Variants in PDZRN3 observed in about 807,000 individuals in gnomAD.
The protein encoded by PDZRN3 is PDZ domain containing ring finger 3, also known as E3 ubiquitin-protein ligase PDZRN3.
PDZRN3 carries 38 observed loss-of-function variants against 85.7 expected under a neutral mutation model. That is an observed-to-expected ratio of 0.44 (90% CI 0.34 to 0.58). The LOEUF (loss-of-function observed/expected upper bound fraction) is 0.58, where lower values mean the gene tolerates loss of function less well. Among genes scored for constraint, PDZRN3 ranks in the 20% least tolerant of loss-of-function variants. PDZRN3 has a pLI of 0.01. For missense variants in PDZRN3, 1,629 were observed against 1,506.4 expected (o/e 1.08, Z -1.35); for synonymous variants, 759 against 638.0 (o/e 1.19, Z -2.86).
intron 3 of PDZRN3, among the ~76,000 whole-genome samples, chr3:73,573,801 A>G (rs898597413): frequency 1.1e-5 from 1 of 91,340 alleles, no homozygotes; most frequent in Non-Finnish European, 2.5e-5. Context: ...ACATATACAT[A>G]CACATACACC....
At chr3:73,431,719 C>T (rs1014249954) in intron 3 of PDZRN3, among the ~76,000 whole-genome samples, 1 of 152,086 alleles carries the variant, frequency 6.6e-6, no homozygotes, top group Non-Finnish European at 1.5e-5. Flanking sequence ...AATTGCTGAC[C>T]AAGTATATTC....
chr3:73,578,335 A>G (rs1702153320), intron 3 of PDZRN3, among the ~76,000 whole-genome samples: 1 of 151,744 alleles, frequency 6.6e-6, no homozygotes, highest in South Asian at 2.1e-4. Flanking sequence ...TGCCTGGCTA[A>G]TTTTTTGTAT....
chr3:73,548,071 T>C (rs1701468556), intron 3 of PDZRN3, among the ~76,000 whole-genome samples: 1 of 152,098 alleles, frequency 6.6e-6, no homozygotes, highest in African/African-American at 2.4e-5. Context: ...CTGGGCTCTG[T>C]GAAAATGTTA....
intron 3 of PDZRN3, among the ~76,000 whole-genome samples, chr3:73,537,150 C>G (rs1369882871): frequency 1.3e-5 from 2 of 152,118 alleles, no homozygotes; most frequent in Admixed American, 1.3e-4. Flanking sequence ...AGAATGTGAG[C>G]AGATGCAATG....
intron 3 of PDZRN3, among the ~76,000 whole-genome samples, chr3:73,476,016 C>T (rs1316578359): frequency 2.6e-5 from 4 of 152,192 alleles, no homozygotes; most frequent in Non-Finnish European, 5.9e-5. Flanking sequence ...AGCTTCCCAC[C>T]TTCATGGTTT....
chr3:73,450,090 G>C (rs1702828635), intron 3 of PDZRN3, among the ~76,000 whole-genome samples: 2 of 152,138 alleles, frequency 1.3e-5, no homozygotes, highest in Admixed American at 1.3e-4. Context: ...ACCTCTGAAG[G>C]AAGAAAATAA....
At chr3:73,521,595 A>G (rs1222069622) in intron 3 of PDZRN3, among the ~76,000 whole-genome samples, 1 of 152,188 alleles carries the variant, frequency 6.6e-6, no homozygotes, top group Non-Finnish European at 1.5e-5. Context: ...CTAGAAGCCC[A>G]GCATCCACCA....
chr3:73,560,926 G>C (rs1701803087), intron 3 of PDZRN3, among the ~76,000 whole-genome samples: 1 of 152,188 alleles, frequency 6.6e-6, no homozygotes, highest in Admixed American at 6.5e-5. Context: ...TATTTGCTGG[G>C]TCTAGATGGT....
chr3:73,575,881 G>A (rs1702116121), intron 3 of PDZRN3, among the ~76,000 whole-genome samples: 1 of 152,082 alleles, frequency 6.6e-6, no homozygotes, highest in South Asian at 2.1e-4. Context: ...TAAGCAGTAA[G>A]CCTCTTAACA....
At chr3:73,567,178 A>G (rs1488705849) in intron 3 of PDZRN3, among the ~76,000 whole-genome samples, 1 of 152,218 alleles carries the variant, frequency 6.6e-6, no homozygotes, top group Non-Finnish European at 1.5e-5. Flanking sequence ...GCAACATGTT[A>G]TAAGAATCTG....
Position 73,492,984 on chromosome 3 carries a change from C to CT in PDZRN3, c.919-88590dup, listed in dbSNP as rs5850113. ...TAGACTAGATGGAAGGCTTTTCAAC[C>CT]TTTTTTTTTTTTTTTTTTGGCCCTC... On this transcript the variant is annotated intron_variant, in intron 3 of 9. Transcript: ENST00000263666. Among the ~76,000 whole-genome samples, 809 of 104,036 alleles carry CT rather than the reference C, an allele frequency of 7.8e-3. 35 individuals carry two copies. Among genetic ancestry groups the CT allele is most frequent in the African/African-American group, 0.024 (725 of 30,516 alleles). The allele number at this position is 104,036 out of a possible 152,430, so 68.3% of individuals were successfully genotyped here.
chr3:73,588,048 C>T (rs748083225), intron 3 of PDZRN3, among the ~76,000 whole-genome samples: 8 of 152,128 alleles, frequency 5.3e-5, no homozygotes, highest in South Asian at 2.1e-4. Flanking sequence ...TGGTGGTTTG[C>T]GGCACCTGTT....
chr3:73,619,071 C>T (rs747038541), intron 1 of PDZRN3, among the ~76,000 whole-genome samples: 9 of 152,076 alleles, frequency 5.9e-5, no homozygotes, highest in Non-Finnish European at 1.0e-4. Flanking sequence ...GGATTTGGGG[C>T]TTTATAAAAC....
At chr3:73,611,474 G>C (rs958706112) in intron 1 of PDZRN3, among the ~76,000 whole-genome samples, 1 of 152,198 alleles carries the variant, frequency 6.6e-6, no homozygotes, top group Non-Finnish European at 1.5e-5. Flanking sequence ...GGAGAAACAA[G>C]GGTGTTCTTA....
At chr3:73,416,141 G>A (rs893788177) in intron 3 of PDZRN3, among the ~76,000 whole-genome samples, 2 of 151,998 alleles carry the variant, frequency 1.3e-5, no homozygotes, top group Non-Finnish European at 2.9e-5. Flanking sequence ...GTGAAGAAGA[G>A]ATTAGAAAAA....
intron 3 of PDZRN3, among the ~76,000 whole-genome samples, chr3:73,541,787 T>C (rs1704927347): frequency 6.6e-6 from 1 of 152,190 alleles, no homozygotes; most frequent in Non-Finnish European, 1.5e-5. Flanking sequence ...TATTTTACAC[T>C]GTGGTGTTTA....
chr3:73,592,982 T>C (rs900934819), intron 3 of PDZRN3, among the ~76,000 whole-genome samples: 3 of 152,118 alleles, frequency 2.0e-5, no homozygotes, highest in African/African-American at 7.2e-5. Context: ...TTACATATAC[T>C]TCACAGATTA....
intron 3 of PDZRN3, among the ~76,000 whole-genome samples, chr3:73,497,406 A>C (rs1323849407): frequency 7.4e-6 from 1 of 135,678 alleles, no homozygotes; most frequent in Non-Finnish European, 1.5e-5. Context: ...CAGCTACTTT[A>C]AAAAAATTTT....
rs1353779666 is a variant in PDZRN3, at chr3:73,388,027, G to A, written c.1459C>T (p.Leu487Phe). The change falls in exon 8 of 10, where the codon CTT becomes TTT. Residue 487 changes from leucine (L) to phenylalanine (F), a missense_variant. Transcript: ENST00000263666. ...EVQNREEAVA[L>F]LTSEENKNFS... The stretch of plus-strand genomic sequence containing the variant: ...TTTTTATTTTCTTCACTGGTTAGAA[G>A]AGCCACAGCCTCTTCACGGTTCTGC... 1 of 1,432,530 alleles carries A rather than the reference G, an allele frequency of 7.0e-7. No homozygotes were observed. Among genetic ancestry groups the A allele is most frequent in the Admixed American group, 1.9e-5 (1 of 53,630 alleles). 88.7% of individuals were successfully genotyped at this position (1,432,530 alleles called of 1,614,324 possible). A position where few individuals can be genotyped will look rare whatever the true frequency, so the allele number is the denominator to read the frequency against.
Sources: allele counts gnomAD v4.1 joint callset (sites outside exome capture counted in the v4.1 genomes callset), GRCh38; gene constraint gnomAD v4.1.1; transcripts MANE v1.5; gene names NCBI Gene and HGNC (gene_info 2026-07-23, HGNC 2026-07-21).